ZNF33A: variants seen among roughly 807,000 people sequenced by gnomAD.
ZNF33A encodes zinc finger protein 33A, also known as brain my041 protein.
ZNF33A carries 9 observed loss-of-function variants against 15.9 expected under a neutral mutation model. The ratio of observed to expected loss-of-function variants is 0.57; its 90% CI spans 0.34 to 0.99. The LOEUF (loss-of-function observed/expected upper bound fraction) is 0.99, where lower values mean the gene tolerates loss of function less well. Among genes scored for constraint, ZNF33A ranks in the 50% least tolerant of loss-of-function variants. ZNF33A has a pLI of 0.02. For synonymous variants in ZNF33A, 294 were observed against 324.2 expected (o/e 0.91, Z 1.00); for missense variants, 843 against 941.6 (o/e 0.90, Z 1.37).
At position 38,055,694 on chromosome 10, in the gene ZNF33A, C is replaced by A. The variant is rs1318959836; in HGVS notation, c.1570C>A (p.Pro524Thr). The A allele has an allele frequency of 1.2e-6, 2 of 1,613,696 alleles. No homozygotes were observed. The highest frequency in any genetic ancestry group is 4.5e-5 in the East Asian group (2 of 44,836). The change falls in exon 5 of 5, where the codon CCT (proline) becomes ACT (threonine). Residue 524 changes from proline (P) to threonine (T), a missense_variant. Pro to Thr is a conservative substitution (Grantham distance 38, BLOSUM62 -1). Coordinates refer to ENST00000432900, the MANE Select transcript of ZNF33A (RefSeq NM_006954.2). ...RHQIIHTGWK[P>T]YECYECGKTF... The stretch of plus-strand genomic sequence containing the variant: ...TCAGATAATTCATACAGGGTGGAAA[C>A]CTTATGAATGTTATGAATGTGGGAA...
intron 1 of ZNF33A, 140 bp downstream of exon 1, chr10:38,010,923 G>C: frequency 9.7e-7 from 1 of 1,026,954 alleles, no homozygotes; most frequent in East Asian, 2.6e-5. Context: ...GGGCTGCAGC[G>C]TGTGGGCCAC....
chr10:38,054,279 C>A, intron 4 of ZNF33A, 96 bp from the exon 5 acceptor site: 3 of 1,310,474 alleles, frequency 2.3e-6, no homozygotes, highest in Non-Finnish European at 3.0e-6. Context: ...GGCCAAAAAA[C>A]CAGTCAGCTG....
intron 4 of ZNF33A, chr10:38,043,813 T>G (rs1182111143): frequency 1.3e-5 from 2 of 152,146 alleles, no homozygotes; most frequent in Non-Finnish European, 2.9e-5. Context: ...CTCTTGATGC[T>G]TTCAAGATTT....
intron 4 of ZNF33A, among the ~76,000 whole-genome samples, chr10:38,035,111 CTTTTTTTTT>C (rs71007683): frequency 3.5e-5 from 3 of 85,772 alleles, no homozygotes; most frequent in Admixed American, 3.5e-4. Flanking sequence ...CATTTACTTT[CTTTTTTTTT>C]TTTTTTTTTT....
At chr10:38,013,389 G>A (rs2064290327) in intron 2 of ZNF33A, among the ~76,000 whole-genome samples, 1 of 150,968 alleles carries the variant, frequency 6.6e-6, no homozygotes. Flanking sequence ...GATTACAGGC[G>A]TGAGCCACTG....
intron 2 of ZNF33A, among the ~76,000 whole-genome samples, chr10:38,013,945 A>G (rs1359613779): frequency 6.6e-6 from 1 of 151,572 alleles, no homozygotes; most frequent in South Asian, 2.1e-4. Flanking sequence ...TCATTTACAT[A>G]TAAGCCACAG....
Position 38,056,669 on chromosome 10 carries a change from A to G in ZNF33A, c.*109A>G. 7.0e-7 allele frequency: 1 copy of G among 1,420,276 alleles called. No homozygotes were observed. Among genetic ancestry groups the G allele is most frequent in the Non-Finnish European group, 9.2e-7 (1 of 1,092,168 alleles). The allele number at this position is 1,420,276 out of a possible 1,614,324, so 88.0% of individuals were successfully genotyped here. A position where few individuals can be genotyped will look rare whatever the true frequency, so the allele number is the denominator to read the frequency against. Reference sequence around the variant, plus strand: ...GTTAGGAAGTGATATTCTATGTAATATCAGATGGTTAATACGGGCATAACA... The same window carrying G: ...GTTAGGAAGTGATATTCTATGTAATGTCAGATGGTTAATACGGGCATAACA... On this transcript the variant is annotated 3_prime_UTR_variant, in exon 5 of 5. Transcript: ENST00000432900.
chr10:38,010,983 C>G (rs551414488), intron 1 of ZNF33A, among the ~76,000 whole-genome samples, 200 bp downstream of exon 1: 5 of 152,288 alleles, frequency 3.3e-5, no homozygotes, highest in South Asian at 4.1e-4. Context: ...GAGCAGGGTA[C>G]GCAGCGTGTG....
At position 38,060,026 on chromosome 10, in the gene ZNF33A, T is replaced by TA. The variant is rs2066634821; in HGVS notation, c.*3467dup. On this transcript the variant is annotated 3_prime_UTR_variant, in exon 5 of 5. Coordinates refer to ENST00000432900, the MANE Select transcript of ZNF33A (RefSeq NM_006954.2). Reference sequence around the variant, plus strand: ...TAAAGCTACTCTAAAAAATGAAGTGTATCAAGTAAATAAATAACCAACCAA... The same window carrying TA: ...TAAAGCTACTCTAAAAAATGAAGTGTAATCAAGTAAATAAATAACCAACCAA... 8.1e-6 allele frequency: 8 copies of TA among 984,354 alleles called. No individual in the cohort carries two copies. In the South Asian group the frequency reaches 1.4e-4, roughly 17 times the overall value. The allele number at this position is 984,354 out of a possible 1,614,324, so 61.0% of individuals were successfully genotyped here. A position where few individuals can be genotyped will look rare whatever the true frequency, so the allele number is the denominator to read the frequency against.
chr10:38,017,154 C>T, intron 3 of ZNF33A, 137 bp from the exon 4 acceptor site: 1 of 1,369,370 alleles, frequency 7.3e-7, no homozygotes, highest in Non-Finnish European at 1.0e-6. Context: ...CTCTGAGTAC[C>T]AGAAGATACT....
At chr10:38,045,370 C>G (rs1410676322) in intron 4 of ZNF33A, among the ~76,000 whole-genome samples, 1 of 152,130 alleles carries the variant, frequency 6.6e-6, no homozygotes, top group Non-Finnish European at 1.5e-5. Flanking sequence ...CTGTCTGCCT[C>G]TGTTGCTGTT....
chr10:38,014,969 T>C (rs1324746555), intron 2 of ZNF33A, among the ~76,000 whole-genome samples: 1 of 151,498 alleles, frequency 6.6e-6, no homozygotes, highest in Non-Finnish European at 1.5e-5. Flanking sequence ...ACCTCCCGGG[T>C]TCAAGTGATT....
In ZNF33A at chr10:38,058,780, T is replaced by C. The variant is rs758539814; in HGVS notation, c.*2220T>C. On this transcript the variant is annotated 3_prime_UTR_variant, in exon 5 of 5. Coordinates refer to ENST00000432900, the MANE Select transcript of ZNF33A (RefSeq NM_006954.2). The stretch of plus-strand genomic sequence containing the variant: ...AATGAGACTGCATCTCAAAAAATAA[T>C]AATGAAACTTTCCAAAACAAAGTGC... 6.6e-6 allele frequency: 1 copy of C among 152,080 alleles called. No homozygotes were observed. The highest frequency in any genetic ancestry group is 2.4e-5 in the African/African-American group (1 of 41,414). 9.4% of individuals were successfully genotyped at this position (152,080 alleles called of 1,614,324 possible).
intron 2 of ZNF33A, among the ~76,000 whole-genome samples, chr10:38,014,197 A>G (rs1358784516): frequency 1.3e-5 from 2 of 151,768 alleles, no homozygotes; most frequent in Admixed American, 6.6e-5. Flanking sequence ...ACGCGCCATC[A>G]CACCTGGCTA....
intron 4 of ZNF33A, among the ~76,000 whole-genome samples, chr10:38,018,175 G>A (rs148507976): frequency 6.6e-6 from 1 of 152,192 alleles, no homozygotes; most frequent in Admixed American, 6.5e-5. Flanking sequence ...TATATTAAAT[G>A]TTCTGTGGTT....
chr10:38,037,102 T>C lies in ZNF33A; in HGVS notation c.251-17273T>C, dbSNP rs537052975. On this transcript the variant is annotated intron_variant, in intron 4 of 4. Transcript: ENST00000432900. ...ATTCCATGAAGTCTAATTTGTTTTT[T>C]CTTTTGTTGCTTGTATTTTTGGTAC... is the stretch of plus-strand genomic sequence containing the variant. Among the ~76,000 whole-genome samples, 3 of 152,314 alleles carry C rather than the reference T, an allele frequency of 2.0e-5. No homozygotes were observed. In the South Asian group the frequency reaches 6.2e-4, roughly 32 times the overall value.
Position 38,044,300 on chromosome 10 carries a change from C to T in ZNF33A, c.251-10075C>T, listed in dbSNP as rs190308499. 1.8e-4 allele frequency among the ~76,000 whole-genome samples: 28 copies of T among 151,654 alleles called. No individual in the cohort carries two copies. The East Asian group carries it at 2.9e-3, about 16-fold the overall frequency. On this transcript the variant is annotated intron_variant, in intron 4 of 4. Transcript: ENST00000432900. ...TCAGCTCACTGCAACCTCTGCCTCC[C>T]GGGTTCATGCAATTCTCTTGCCTCA...
At chr10:38,022,629 G>A (rs537579838) in intron 4 of ZNF33A, among the ~76,000 whole-genome samples, 8 of 134,016 alleles carry the variant, frequency 6.0e-5, no homozygotes, top group African/African-American at 2.3e-4. Context: ...TTGTACTCTA[G>A]CCTGGGCAAC....
At chr10:38,031,569 CAA>C (rs764863293) in intron 4 of ZNF33A, among the ~76,000 whole-genome samples, 3 of 70,916 alleles carry the variant, frequency 4.2e-5, no homozygotes, top group Admixed American at 1.6e-4. Context: ...GACCTTGCCT[CAA>C]AAAAAAAAAA....
Sources: allele counts gnomAD v4.1 joint callset (sites outside exome capture counted in the v4.1 genomes callset), GRCh38; gene constraint gnomAD v4.1.1; transcripts MANE v1.5; gene names NCBI Gene and HGNC (gene_info 2026-07-23, HGNC 2026-07-21).